LRRTM4: variants seen among roughly 807,000 people sequenced by gnomAD.
LRRTM4 encodes the protein leucine-rich repeat transmembrane neuronal protein 4.
In LRRTM4, 25 loss-of-function variants were observed where a neutral mutation model predicts 47.6. That is an observed-to-expected ratio of 0.53 (90% CI 0.38 to 0.73). LRRTM4 has a LOEUF of 0.73. Among genes scored for constraint, LRRTM4 ranks in the 30% least tolerant of loss-of-function variants. LRRTM4 has a pLI of 0.00. For missense variants in LRRTM4, 638 were observed against 713.4 expected (o/e 0.89, Z 1.20); for synonymous variants, 311 against 269.5 (o/e 1.15, Z -1.51).
At chr2:77,367,081 T>A (rs929933728) in intron 3 of LRRTM4, among the ~76,000 whole-genome samples, 1 of 151,844 alleles carries the variant, frequency 6.6e-6, no homozygotes, top group Non-Finnish European at 1.5e-5. Flanking sequence ...TCTCATATTC[T>A]CTATGTCCTC....
chr2:77,094,289 A>T (rs1336096044), intron 3 of LRRTM4, among the ~76,000 whole-genome samples: 1 of 152,164 alleles, frequency 6.6e-6, no homozygotes, highest in East Asian at 1.9e-4. Flanking sequence ...AGAAGACATA[A>T]ATAAATGGAA....
intron 3 of LRRTM4, among the ~76,000 whole-genome samples, chr2:77,461,153 G>GAGAC (rs1255618215): frequency 1.3e-5 from 2 of 151,582 alleles, no homozygotes; most frequent in African/African-American, 4.9e-5. Context: ...GAGAGAGAGA[G>GAGAC]AGAGAGAGAG....
At chr2:77,189,662 C>T (rs1274027537) in intron 3 of LRRTM4, among the ~76,000 whole-genome samples, 1 of 152,108 alleles carries the variant, frequency 6.6e-6, no homozygotes, top group African/African-American at 2.4e-5. Context: ...GTCTTCAGAA[C>T]TGTGAGAGCT....
chr2:77,189,338 A>G (rs1673599528), intron 3 of LRRTM4, among the ~76,000 whole-genome samples: 1 of 152,174 alleles, frequency 6.6e-6, no homozygotes, highest in Admixed American at 6.5e-5. Context: ...TCTTCATTAA[A>G]TTGCTTTTGT....
chr2:76,762,746 G>A (rs1243435711), intron 3 of LRRTM4, among the ~76,000 whole-genome samples: 1 of 152,122 alleles, frequency 6.6e-6, no homozygotes, highest in Non-Finnish European at 1.5e-5. Flanking sequence ...GATTGCTTGA[G>A]GCCAGGAATT....
chr2:77,248,616 G>A (rs1377157576), intron 3 of LRRTM4, among the ~76,000 whole-genome samples: 1 of 151,960 alleles, frequency 6.6e-6, no homozygotes, highest in Non-Finnish European at 1.5e-5. Flanking sequence ...GAACAAATTT[G>A]GAGTTCTGAC....
At chr2:77,246,231 T>G (rs1675442753) in intron 3 of LRRTM4, among the ~76,000 whole-genome samples, 1 of 152,138 alleles carries the variant, frequency 6.6e-6, no homozygotes, top group Non-Finnish European at 1.5e-5. Context: ...AGGAGATAGC[T>G]CCATCTGAAT....
At position 77,194,378 on chromosome 2, in the gene LRRTM4, T is replaced by A. The variant is rs1182224492; in HGVS notation, c.1551+323940A>T. Among the ~76,000 whole-genome samples, 5 of 152,284 alleles carry A rather than the reference T, an allele frequency of 3.3e-5. No homozygotes were observed. In the East Asian group the frequency reaches 5.8e-4, roughly 18 times the overall value. ...TTGATGACAGAAACCACTCTATGTA[T>A]TTCAGGTGTGAAGCATTTAATATGG... On this transcript the variant is annotated intron_variant, in intron 3 of 3. Coordinates refer to ENST00000409884, the MANE Select transcript of LRRTM4 (RefSeq NM_001134745.3).
At chr2:76,792,227 A>T (rs1361298231) in intron 3 of LRRTM4, among the ~76,000 whole-genome samples, 1 of 152,112 alleles carries the variant, frequency 6.6e-6, no homozygotes, top group African/African-American at 2.4e-5. Flanking sequence ...AGAATTTAAA[A>T]AATGTTAAGT....
intron 3 of LRRTM4, among the ~76,000 whole-genome samples, chr2:76,804,462 A>G (rs1426613452): frequency 6.6e-6 from 1 of 151,936 alleles, no homozygotes; most frequent in Non-Finnish European, 1.5e-5. Flanking sequence ...GGACTGGATA[A>G]ATAAGTTATG....
At chr2:76,896,060 T>C (rs1489795688) in intron 3 of LRRTM4, among the ~76,000 whole-genome samples, 1 of 152,074 alleles carries the variant, frequency 6.6e-6, no homozygotes, top group Non-Finnish European at 1.5e-5. Context: ...AAAAACACTT[T>C]GGTTTTATAC....
intron 3 of LRRTM4, among the ~76,000 whole-genome samples, chr2:77,080,726 A>C (rs912481957): frequency 1.3e-5 from 2 of 152,194 alleles, no homozygotes; most frequent in African/African-American, 4.8e-5. Flanking sequence ...TCTAGAACTT[A>C]AGACTCACAC....
At chr2:77,363,783 T>A (rs1281107531) in intron 3 of LRRTM4, among the ~76,000 whole-genome samples, 1 of 152,216 alleles carries the variant, frequency 6.6e-6, no homozygotes, top group Non-Finnish European at 1.5e-5. Context: ...ACAGATTATG[T>A]ATATAATATT....
At chr2:76,934,026 A>C (rs1674858661) in intron 3 of LRRTM4, among the ~76,000 whole-genome samples, 1 of 152,164 alleles carries the variant, frequency 6.6e-6, no homozygotes, top group African/African-American at 2.4e-5. Flanking sequence ...GACGTCGATA[A>C]CATTCACATT....
At chr2:76,881,962 A>C (rs1364699810) in intron 3 of LRRTM4, among the ~76,000 whole-genome samples, 1 of 152,156 alleles carries the variant, frequency 6.6e-6, no homozygotes, top group African/African-American at 2.4e-5. Flanking sequence ...GATTGGTGAA[A>C]GTGGTCTTTC....
intron 3 of LRRTM4, among the ~76,000 whole-genome samples, chr2:77,145,593 C>T (rs1358477406): frequency 4.6e-5 from 7 of 150,764 alleles, no homozygotes; most frequent in African/African-American, 1.5e-4. Flanking sequence ...ATGGTGAAAC[C>T]CTGTCTCTAC....
At chr2:76,862,845 A>G (rs1181522246) in intron 3 of LRRTM4, among the ~76,000 whole-genome samples, 1 of 152,206 alleles carries the variant, frequency 6.6e-6, no homozygotes, top group African/African-American at 2.4e-5. Context: ...ACTTTAATAA[A>G]TGAAGATAAC....
intron 3 of LRRTM4, among the ~76,000 whole-genome samples, chr2:77,140,361 A>T (rs563335209): frequency 1.3e-5 from 2 of 152,336 alleles, no homozygotes; most frequent in African/African-American, 4.8e-5. Context: ...CCTGATAAAA[A>T]CAAGGAATGG....
chr2:77,178,765 T>C (rs1673270044), intron 3 of LRRTM4, among the ~76,000 whole-genome samples: 2 of 152,222 alleles, frequency 1.3e-5, no homozygotes. Flanking sequence ...TTGACTTTTT[T>C]TACCTAAACT....
Sources: allele counts gnomAD v4.1 joint callset (sites outside exome capture counted in the v4.1 genomes callset), GRCh38; gene constraint gnomAD v4.1.1; transcripts MANE v1.5; gene names NCBI Gene and HGNC (gene_info 2026-07-23, HGNC 2026-07-21).